Variants in PUS1 observed in about 807,000 individuals in gnomAD.
PUS1 encodes the protein pseudouridylate synthase 1 homolog.
PUS1 carries 25 observed loss-of-function variants against 38.5 expected under a neutral mutation model. That is an observed-to-expected ratio of 0.65 (90% CI 0.47 to 0.91). PUS1 has a LOEUF of 0.91. Among genes scored for constraint, PUS1 ranks in the 40% least tolerant of loss-of-function variants. The pLI is 0.00. For synonymous variants in PUS1, 282 were observed against 260.4 expected, an observed-to-expected ratio of 1.08 and a Z score of -0.80; for missense variants, 597 against 612.3, an observed-to-expected ratio of 0.97 and a Z score of 0.26.
At chr12:131,939,092 C>G in intron 3 of PUS1, 81 bp from the exon 4 acceptor site, 1 of 887,040 alleles carries the variant, frequency 1.1e-6, no homozygotes, top group Non-Finnish European at 1.8e-6. Flanking sequence ...ACGTAAGGTC[C>G]GCGTAGTCCT....
intron 3 of PUS1, among the ~76,000 whole-genome samples, chr12:131,936,696 C>G (rs765002867): frequency 2.0e-5 from 3 of 152,166 alleles, no homozygotes; most frequent in Non-Finnish European, 2.9e-5. Context: ...CGAGACCAGC[C>G]TGGCCAACAT....
intron 3 of PUS1, among the ~76,000 whole-genome samples, chr12:131,937,691 T>C (rs927178848): frequency 1.3e-5 from 2 of 152,086 alleles, no homozygotes; most frequent in Non-Finnish European, 2.9e-5. Flanking sequence ...TTTTGTTTGT[T>C]TTTGCTTTCT....
Position 131,929,636 on chromosome 12 carries a change from G to A in PUS1, c.-87G>A. The A allele has an allele frequency of 2.5e-6, 3 of 1,191,174 alleles. No individual in the cohort carries two copies. The highest frequency in any genetic ancestry group is 2.4e-5 in the Admixed American group (1 of 41,528). The allele number at this position is 1,191,174 out of a possible 1,614,324, so 73.8% of individuals were successfully genotyped here. A position where few individuals can be genotyped will look rare whatever the true frequency, so the allele number is the denominator to read the frequency against. On this transcript the variant is annotated 5_prime_UTR_variant, in exon 1 of 6. Transcript: ENST00000376649. Reference sequence around the variant, plus strand: ...AGGGCTGCAGCGTCAGGGTCCGAGAGGTTAGGGGTCGGCAGAGGCGGAGCT... The same window carrying A: ...AGGGCTGCAGCGTCAGGGTCCGAGAAGTTAGGGGTCGGCAGAGGCGGAGCT...
intron 3 of PUS1, among the ~76,000 whole-genome samples, chr12:131,937,162 G>C (rs1317845478): frequency 6.6e-6 from 1 of 151,942 alleles, no homozygotes; most frequent in Non-Finnish European, 1.5e-5. Flanking sequence ...GATCTGGCCA[G>C]TGTAACATCT....
rs140439216 is a variant in PUS1 at position 131,935,596 on chromosome 12, G to A, written c.441+3284G>A. ...GTTGCCCAGGCTGGAGTGCAATGGC[G>A]TGATCTTGGCTCACCGCAACCTCAC... On this transcript the variant is annotated intron_variant, in intron 3 of 5. Transcript: ENST00000376649. Among the ~76,000 whole-genome samples, 462 of 152,180 alleles carry A rather than the reference G, an allele frequency of 3.0e-3. 3 individuals carry two copies. The highest frequency in any genetic ancestry group is 9.8e-3 in the African/African-American group (409 of 41,536).
At position 131,945,682 on chromosome 12, in the gene PUS1, A is replaced by T. The variant is rs1393913050; in HGVS notation, c.*2096A>T. The stretch of plus-strand genomic sequence containing the variant: ...CGGCTGATTTTTGTATTTTTGGTAG[A>T]GACAGGGTTTCACCATGTTGGTCAG... On this transcript the variant is annotated 3_prime_UTR_variant, in exon 6 of 6. Transcript: ENST00000376649. 1 of 152,092 alleles carries T rather than the reference A, an allele frequency of 6.6e-6. No individual in the cohort carries two copies. The highest frequency in any genetic ancestry group is 1.9e-4 in the East Asian group (1 of 5,176). 9.4% of individuals were successfully genotyped at this position (152,092 alleles called of 1,614,324 possible).
intron 3 of PUS1, 105 bp downstream of exon 3, chr12:131,932,417 G>A: frequency 3.7e-6 from 5 of 1,363,932 alleles, no homozygotes; most frequent in Non-Finnish European, 3.1e-6. Flanking sequence ...AGCACATAAT[G>A]ATGTACAAAT....
Position 131,939,163 on chromosome 12 carries a change from T to G in PUS1, c.442-10T>G, listed in dbSNP as rs1303153204. 2.6e-6 allele frequency: 4 copies of G among 1,547,104 alleles called. No homozygotes were observed. Among genetic ancestry groups the G allele is most frequent in the Non-Finnish European group, 3.5e-6 (4 of 1,142,216 alleles). ...CCCACCTTCCGTCACCCGTTCTGCTTTGTTTACAGGGTGTGTCCGCAGCCG... is the reference window on the plus strand; with the variant it reads ...CCCACCTTCCGTCACCCGTTCTGCTGTGTTTACAGGGTGTGTCCGCAGCCG... On this transcript the variant is annotated splice_polypyrimidine_tract_variant and intron_variant, in intron 3 of 5. Transcript: ENST00000376649.
intron 4 of PUS1, among the ~76,000 whole-genome samples, chr12:131,939,595 G>A (rs1345950973): frequency 1.3e-5 from 2 of 152,236 alleles, no homozygotes; most frequent in African/African-American, 2.4e-5. Context: ...TCCTTAAAAT[G>A]TGACTGTCTA....
rs147161258 is a variant in PUS1, at chr12:131,935,556, C to T, written c.441+3244C>T. Among the ~76,000 whole-genome samples, 135 of 152,224 alleles carry T rather than the reference C, an allele frequency of 8.9e-4. 1 individual carries two copies. In the East Asian group the frequency reaches 0.013, roughly 14 times the overall value. ...TTTATTTATTCATTTATTTTTGAGA[C>T]GGAGTTTCACTCTTGTTGCCCAGGC... On this transcript the variant is annotated intron_variant, in intron 3 of 5. Coordinates refer to ENST00000376649, the MANE Select transcript of PUS1 (RefSeq NM_025215.6).
At chr12:131,942,008 TCAG>T (rs758039882) in intron 5 of PUS1, 25 bp downstream of exon 5, 55 of 1,587,192 alleles carry the variant, frequency 3.5e-5, no homozygotes, top group Non-Finnish European at 4.5e-5. Flanking sequence ...CCAGCAGTGC[TCAG>T]CAGAACACAG....
chr12:131,936,866 CAAAAA>C (rs113924882), intron 3 of PUS1, among the ~76,000 whole-genome samples: 1 of 133,796 alleles, frequency 7.5e-6, no homozygotes, highest in African/African-American at 2.6e-5. Context: ...TCCAGCCTGG[CAAAAA>C]AAAAAAAAAG....
chr12:131,932,242 G>T lies in PUS1; in HGVS notation c.371G>T (p.Gly124Val), dbSNP rs768802173. 1 of 1,614,014 alleles carries T rather than the reference G, an allele frequency of 6.2e-7. No homozygotes were observed. The highest frequency in any genetic ancestry group is 8.5e-7 in the Non-Finnish European group (1 of 1,179,886). Residue 124 changes from glycine to valine, a missense_variant, in exon 3 of 6, where the codon GGC (glycine) becomes GTC (valine). Transcript: ENST00000376649. ...TTGGTGTCCGCCCTCGTCCGGTCAGGCTGTATTCCTGAAAATCATGGTGAG... is the reference window on the plus strand; with the variant it reads ...TTGGTGTCCGCCCTCGTCCGGTCAGTCTGTATTCCTGAAAATCATGGTGAG... ...DDLVSALVRS[G>V]CIPENHGEDM...
Position 131,941,267 on chromosome 12 carries a change from TCCTCCCTGACCAC to T in PUS1, c.545-23_545-11del. 1 of 1,607,666 alleles carries T rather than the reference TCCTCCCTGACCAC, an allele frequency of 6.2e-7. No individual in the cohort carries two copies. The highest frequency in any genetic ancestry group is 8.5e-7 in the Non-Finnish European group (1 of 1,174,674). The stretch of plus-strand genomic sequence containing the variant: ...TCCAGGCACTTCTCACCTGCCTTTC[TCCTCCCTGACCAC>T]CTCCCCCCTAGGACTGAAGCGGGTC... On this transcript the variant is annotated splice_polypyrimidine_tract_variant and intron_variant, in intron 4 of 5. Transcript: ENST00000376649. The surrounding 1 kb of genome is among the most constrained non-coding windows in gnomAD (Gnocchi z 4.4).
chr12:131,934,841 G>C lies in PUS1; in HGVS notation c.441+2529G>C, dbSNP rs1017884642. ...TCACATGGCTCTCAGGCTGCCTGAA[G>C]GCATTAGGGGCCTATCAGAGACATA... On this transcript the variant is annotated intron_variant, in intron 3 of 5. Coordinates refer to ENST00000376649, the MANE Select transcript of PUS1 (RefSeq NM_025215.6). 2.6e-5 allele frequency: 4 copies of C among 152,342 alleles called. No homozygotes were observed. The South Asian group carries it at 8.3e-4, about 32-fold the overall frequency. 9.4% of individuals were successfully genotyped at this position (152,342 alleles called of 1,614,324 possible).
chr12:131,939,603 C>G (rs996355867), intron 4 of PUS1, among the ~76,000 whole-genome samples: 3 of 152,236 alleles, frequency 2.0e-5, no homozygotes, highest in African/African-American at 7.2e-5. Flanking sequence ...ATGTGACTGT[C>G]TACCTTTTAA....
Position 131,932,214 on chromosome 12 carries a change from G to T in PUS1, c.343G>T (p.Asp115Tyr), listed in dbSNP as rs1352002560. Residue 115 changes from aspartate (D) to tyrosine (Y), a missense_variant, in exon 3 of 6, where the codon GAC (aspartate) becomes TAC (tyrosine). Physicochemically the swap from Asp to Tyr is radical, Grantham distance 160. Transcript: ENST00000376649. ...CTCACAATTCAAAACAATTGAAGAT[G>T]ACTTGGTGTCCGCCCTCGTCCGGTC... ...GSSQFKTIED[D>Y]LVSALVRSGC... The T allele has an allele frequency of 1.9e-6, 3 of 1,614,078 alleles. No individual in the cohort carries two copies. Among genetic ancestry groups the T allele is most frequent in the Non-Finnish European group, 2.5e-6 (3 of 1,179,928 alleles).
At chr12:131,942,068 A>T (rs145718482) in intron 5 of PUS1, 85 bp downstream of exon 5, 29 of 1,274,572 alleles carry the variant, frequency 2.3e-5, no homozygotes, top group African/African-American at 4.4e-5. Flanking sequence ...AGGCACAGAG[A>T]AGTGTGTCAC....
rs1158011471 is a variant in PUS1 at position 131,945,112 on chromosome 12, T to C, written c.*1526T>C. 1 of 152,280 alleles carries C rather than the reference T, an allele frequency of 6.6e-6. No homozygotes were observed. Among genetic ancestry groups the C allele is most frequent in the Non-Finnish European group, 1.5e-5 (1 of 68,060 alleles). 9.4% of individuals were successfully genotyped at this position (152,280 alleles called of 1,614,324 possible). Reference sequence around the variant, plus strand: ...GCGCATGCGCCTGACGTGCCAACAATGCATGTGACTAATGCGCAGTCGCCT... The same window carrying C: ...GCGCATGCGCCTGACGTGCCAACAACGCATGTGACTAATGCGCAGTCGCCT... On this transcript the variant is annotated 3_prime_UTR_variant, in exon 6 of 6. Transcript: ENST00000376649.
Sources: gnomAD v4.1 joint callset for allele counts (sites outside exome capture counted in the v4.1 genomes callset) on GRCh38, gnomAD v4.1.1 for gene constraint, Gnocchi (gnomAD v3.1) non-coding constraint, MANE v1.5 for transcripts, NCBI Gene and HGNC (gene_info 2026-07-23, HGNC 2026-07-21) for gene names.